The following RASSF2 variants were observed in gnomAD, a reference collection of about 807,000 sequenced individuals.
RASSF2 encodes the protein ras association domain-containing protein 2.
In RASSF2, 34 loss-of-function variants were observed where a neutral mutation model predicts 46.3. That is an observed-to-expected ratio of 0.73 (90% CI 0.56 to 0.98). RASSF2 has a LOEUF of 0.98. Among genes scored for constraint, RASSF2 ranks in the 50% least tolerant of loss-of-function variants. The probability of loss-of-function intolerance (pLI) is 0.00; values close to 1 mark genes in which losing one functional copy is unlikely to be tolerated. For missense variants in RASSF2, 364 were observed against 431.2 expected, an observed-to-expected ratio of 0.84 and a Z score of 1.38; for synonymous variants, 158 against 162.5, an observed-to-expected ratio of 0.97 and a Z score of 0.21.
At chr20:4,810,657 G>C (rs1927711892) in intron 2 of RASSF2, among the ~76,000 whole-genome samples, 1 of 152,330 alleles carries the variant, frequency 6.6e-6, no homozygotes, top group Non-Finnish European at 1.5e-5. Context: ...GGGTGAGAGA[G>C]GGGAAGAGCT....
intron 6 of RASSF2, 62 bp downstream of exon 6, chr20:4,792,477 T>G: frequency 6.2e-7 from 1 of 1,605,492 alleles, no homozygotes; most frequent in Non-Finnish European, 8.5e-7. Context: ...GTTTACAACA[T>G]CTATCACAGC....
chr20:4,799,066 T>C (rs1474295536), intron 3 of RASSF2, among the ~76,000 whole-genome samples: 1 of 152,078 alleles, frequency 6.6e-6, no homozygotes, highest in Non-Finnish European at 1.5e-5. Context: ...AAGTTCAAAA[T>C]GGAGTGTTAG....
Position 4,781,851 on chromosome 20 carries a change from GACCATGTGAT to G in RASSF2, c.*2412_*2421del, listed in dbSNP as rs1261896307. ...TCGGTCGAAGAGTTCAAAACTGCAA[GACCATGTGAT>G]ACCAGTGAGAAAATCTGCTCCACAC... On this transcript the variant is annotated 3_prime_UTR_variant, in exon 12 of 12. Transcript: ENST00000379400. 1.3e-5 allele frequency: 2 copies of G among 152,210 alleles called. No individual in the cohort carries two copies. The highest frequency in any genetic ancestry group is 2.9e-5 in the Non-Finnish European group (2 of 68,048). The allele number at this position is 152,210 out of a possible 1,614,324, so 9.4% of individuals were successfully genotyped here.
rs560657919 is a variant in RASSF2, at chr20:4,811,112, C to G, written c.-32-10050G>C. ...TGGTGGCTCATGCCTGTAATTGCAG[C>G]ACAGCACAAGGACAGCTTGGGGCCA... On this transcript the variant is annotated intron_variant, in intron 2 of 11. Transcript: ENST00000379400. 3.0e-4 allele frequency among the ~76,000 whole-genome samples: 46 copies of G among 152,112 alleles called. 1 individual carries two copies. The South Asian group carries it at 8.1e-3, about 27-fold the overall frequency.
At chr20:4,808,901 G>GA (rs1265107015) in intron 2 of RASSF2, among the ~76,000 whole-genome samples, 1 of 152,152 alleles carries the variant, frequency 6.6e-6, no homozygotes, top group South Asian at 2.1e-4. Flanking sequence ...CTTCTTTTTA[G>GA]AAAAAACACT....
chr20:4,811,304 T>C (rs962314763), intron 2 of RASSF2, among the ~76,000 whole-genome samples: 2 of 152,144 alleles, frequency 1.3e-5, no homozygotes, highest in African/African-American at 4.8e-5. Flanking sequence ...TGCGCTATGA[T>C]GGTACCACTG....
At chr20:4,801,543 G>T (rs577319020) in intron 2 of RASSF2, among the ~76,000 whole-genome samples, 23 of 152,080 alleles carry the variant, frequency 1.5e-4, no homozygotes, top group African/African-American at 5.5e-4. Context: ...CAATGTGAAA[G>T]ACAATTTAAT....
chr20:4,811,426 G>T (rs569952906), intron 2 of RASSF2, among the ~76,000 whole-genome samples: 41 of 152,186 alleles, frequency 2.7e-4, no homozygotes, highest in African/African-American at 9.6e-4. Context: ...TAGGGGAGGG[G>T]CCCAGGCAGA....
chr20:4,822,704 A>C (rs1198657744), intron 1 of RASSF2, among the ~76,000 whole-genome samples: 1 of 152,214 alleles, frequency 6.6e-6, no homozygotes, highest in Non-Finnish European at 1.5e-5. Flanking sequence ...ACCAGCTCCG[A>C]AGGAGGGCGG....
chr20:4,808,758 T>G, intron 2 of RASSF2, among the ~76,000 whole-genome samples: 1 of 152,204 alleles, frequency 6.6e-6, no homozygotes, highest in East Asian at 1.9e-4. Flanking sequence ...ATGCTGTGAT[T>G]ACAGGTGTGA....
chr20:4,801,454 G>A (rs6139557), intron 2 of RASSF2, among the ~76,000 whole-genome samples: 28,492 of 152,014 alleles, frequency 0.19, 3,219 homozygotes, highest in East Asian at 0.33. Context: ...CTGAGGATGG[G>A]TAAACCACCT....
At chr20:4,791,385 T>C (rs542585385) in intron 6 of RASSF2, among the ~76,000 whole-genome samples, 1 of 152,172 alleles carries the variant, frequency 6.6e-6, no homozygotes, top group Non-Finnish European at 1.5e-5. Flanking sequence ...CACTGAACTG[T>C]ACCACTTAAC....
chr20:4,791,788 A>C (rs1001150269), intron 6 of RASSF2, among the ~76,000 whole-genome samples: 5 of 152,336 alleles, frequency 3.3e-5, no homozygotes, highest in East Asian at 3.9e-4. Flanking sequence ...GTCTACCAGT[A>C]GGGAGTGATT....
chr20:4,793,104 A>G (rs1926043010), intron 5 of RASSF2: 1 of 165,758 alleles, frequency 6.0e-6, no homozygotes, highest in African/African-American at 2.4e-5. Context: ...AAGGAATGGA[A>G]AGTAATAAGT....
chr20:4,813,324 C>A (rs1927994833), intron 2 of RASSF2, among the ~76,000 whole-genome samples: 1 of 152,200 alleles, frequency 6.6e-6, no homozygotes, highest in Admixed American at 6.5e-5. Flanking sequence ...ACGAAGCCGC[C>A]ACTCTTCTGC....
intron 8 of RASSF2, among the ~76,000 whole-genome samples, chr20:4,788,802 A>G (rs1925592649): frequency 6.6e-6 from 1 of 152,232 alleles, no homozygotes; most frequent in African/African-American, 2.4e-5. Context: ...CACGACTAGG[A>G]TAGATAACAG....
At chr20:4,803,478 G>A (rs113987765) in intron 2 of RASSF2, among the ~76,000 whole-genome samples, 1 of 152,306 alleles carries the variant, frequency 6.6e-6, no homozygotes, top group South Asian at 2.1e-4. Context: ...CGTTGGCCAG[G>A]CATGGTGGTT....
chr20:4,811,594 A>C (rs973827943), intron 2 of RASSF2, among the ~76,000 whole-genome samples: 1 of 152,152 alleles, frequency 6.6e-6, no homozygotes, highest in African/African-American at 2.4e-5. Context: ...TTCTAAAAGC[A>C]AACTGAGTTG....
Position 4,795,796 on chromosome 20 carries a change from C to A in RASSF2, c.287+19G>T. ...CCAAGCATCCCAGTCATCTCCCTGCCCCGTCTCTCCTCACTCACCCCTGAG... is the reference window on the plus strand; with the variant it reads ...CCAAGCATCCCAGTCATCTCCCTGCACCGTCTCTCCTCACTCACCCCTGAG... On this transcript the variant is annotated intron_variant, in intron 5 of 11. Coordinates refer to ENST00000379400, the MANE Select transcript of RASSF2 (RefSeq NM_014737.3). This position sits in a 1 kb window ranked among gnomAD's most constrained non-coding sequence, Gnocchi z 4.0. 6.2e-7 allele frequency: 1 copy of A among 1,601,178 alleles called. No individual in the cohort carries two copies. The highest frequency in any genetic ancestry group is 8.5e-7 in the Non-Finnish European group (1 of 1,172,792).
Sources: gnomAD v4.1 joint callset for allele counts (sites outside exome capture counted in the v4.1 genomes callset) on GRCh38, gnomAD v4.1.1 for gene constraint, Gnocchi (gnomAD v3.1) non-coding constraint, MANE v1.5 for transcripts, NCBI Gene and HGNC (gene_info 2026-07-23, HGNC 2026-07-21) for gene names.